The following KCNQ1 variants were observed in gnomAD, a reference collection of about 807,000 sequenced individuals.
KCNQ1 encodes the protein potassium voltage-gated channel subfamily Q member 1.
In KCNQ1, 49 loss-of-function variants were observed where a neutral mutation model predicts 72.4. That is an observed-to-expected ratio of 0.68 (90% CI 0.54 to 0.86). The LOEUF is 0.86. Among genes scored for constraint, KCNQ1 ranks in the 40% least tolerant of loss-of-function variants. The pLI is 0.00. For missense variants in KCNQ1, 790 were observed against 945.1 expected (o/e 0.84, Z 2.15); for synonymous variants, 450 against 412.6 (o/e 1.09, Z -1.10).
At position 2,690,829 on chromosome 11, in the gene KCNQ1, G is replaced by A. The variant is rs1730207291; in HGVS notation, c.1514+28748G>A. The A allele has an allele frequency of 1.0e-5, 4 of 398,506 alleles. No homozygotes were observed. Among genetic ancestry groups the A allele is most frequent in the Non-Finnish European group, 1.8e-5 (4 of 226,094 alleles). 24.7% of individuals were successfully genotyped at this position (398,506 alleles called of 1,614,324 possible). A position where few individuals can be genotyped will look rare whatever the true frequency, so the allele number is the denominator to read the frequency against. On this transcript the variant is annotated intron_variant, in intron 11 of 15. Coordinates refer to ENST00000155840, the MANE Select transcript of KCNQ1 (RefSeq NM_000218.3). This position sits in a 1 kb window ranked among gnomAD's most constrained non-coding sequence, Gnocchi z 5.1. ...CCTTGGCTTCCAGCTTCCAGGCTCT[G>A]GCACTCCCACTGTTAGGAACAGGTA...
intron 2 of KCNQ1, among the ~76,000 whole-genome samples, chr11:2,542,957 A>G (rs1300685352): frequency 6.6e-6 from 1 of 152,210 alleles, no homozygotes; most frequent in Non-Finnish European, 1.5e-5. Context: ...TTAACTATTT[A>G]AGAAACTGGC....
rs1229343239 is a variant in KCNQ1, at chr11:2,659,639, T to A, written c.1394-2322T>A. ...GGAAAGGAACCGATAGGTCATGTGG[T>A]ATGTGTATGTTTAACTTAATAAGAA... On this transcript the variant is annotated intron_variant, in intron 10 of 15. Coordinates refer to ENST00000155840, the MANE Select transcript of KCNQ1 (RefSeq NM_000218.3). This position sits in a 1 kb window ranked among gnomAD's most constrained non-coding sequence, Gnocchi z 4.3. 1.3e-5 allele frequency: 5 copies of A among 398,440 alleles called. No individual in the cohort carries two copies. Among genetic ancestry groups the A allele is most frequent in the African/African-American group, 1.0e-4 (5 of 48,650 alleles). 24.7% of individuals were successfully genotyped at this position (398,440 alleles called of 1,614,324 possible).
intron 15 of KCNQ1, among the ~76,000 whole-genome samples, chr11:2,800,765 G>A (rs1169718697): frequency 6.6e-6 from 1 of 152,180 alleles, no homozygotes; most frequent in Non-Finnish European, 1.5e-5. Flanking sequence ...GGGTTCAGGA[G>A]ATCCCCATTG....
chr11:2,618,460 A>G (rs1309548607), intron 10 of KCNQ1: 2 of 398,472 alleles, frequency 5.0e-6, no homozygotes, highest in Non-Finnish European at 8.8e-6. Context: ...GAGAGAGACT[A>G]TCTTTCTGCA....
chr11:2,588,797 G>A lies in KCNQ1; in HGVS notation c.1336G>A (p.Asp446Asn), dbSNP rs149089817. 26 of 1,613,398 alleles carry A rather than the reference G, an allele frequency of 1.6e-5. No individual in the cohort carries two copies. Among genetic ancestry groups the A allele is most frequent in the East Asian group, 2.2e-5 (1 of 44,894 alleles). ...KMLTVPHITC[D>N]PPEERRLDHF... ...GCTCACAGTCCCCCATATCACGTGCGACCCCCCAGAAGAGCGGCGGCTGGA... is the reference window on the plus strand; with the variant it reads ...GCTCACAGTCCCCCATATCACGTGCAACCCCCCAGAAGAGCGGCGGCTGGA... Residue 446 changes from aspartate to asparagine, a missense_variant, in exon 10 of 16, where the codon GAC (aspartate) becomes AAC (asparagine). Coordinates refer to ENST00000155840, the MANE Select transcript of KCNQ1 (RefSeq NM_000218.3). This position sits in a 1 kb window ranked among gnomAD's most constrained non-coding sequence, Gnocchi z 5.6.
chr11:2,519,781 C>G (rs946811792), intron 1 of KCNQ1, among the ~76,000 whole-genome samples: 6 of 138,940 alleles, frequency 4.3e-5, no homozygotes, highest in African/African-American at 8.5e-5. Flanking sequence ...TGGCCCCCCC[C>G]CACAACATTG....
chr11:2,580,206 C>G (rs1380034687), intron 6 of KCNQ1, among the ~76,000 whole-genome samples: 1 of 151,974 alleles, frequency 6.6e-6, no homozygotes. Context: ...CCCAGCCCCC[C>G]TCAGGCCAAT....
rs150388450 is a variant in KCNQ1, at chr11:2,687,264, C to T, written c.1514+25183C>T. The T allele has an allele frequency of 5.0e-6, 2 of 398,654 alleles. No homozygotes were observed. The highest frequency in any genetic ancestry group is 7.1e-5 in the East Asian group (2 of 28,068). The allele number at this position is 398,654 out of a possible 1,614,324, so 24.7% of individuals were successfully genotyped here. Reference sequence around the variant, plus strand: ...GCATCACTACCAGCTCCGGGCTTCTCTCCTCTGGCCTCCCACCTTGCAGCT... The same window carrying T: ...GCATCACTACCAGCTCCGGGCTTCTTTCCTCTGGCCTCCCACCTTGCAGCT... On this transcript the variant is annotated intron_variant, in intron 11 of 15. Transcript: ENST00000155840. The surrounding 1 kb of genome is among the most constrained non-coding windows in gnomAD (Gnocchi z 5.0).
At chr11:2,709,938 C>T (rs1380310043) in intron 11 of KCNQ1, among the ~76,000 whole-genome samples, 2 of 152,100 alleles carry the variant, frequency 1.3e-5, no homozygotes, top group African/African-American at 4.8e-5. Context: ...AATAATACTG[C>T]CAGGAACATT....
At chr11:2,490,903 T>G (rs1846826861) in intron 1 of KCNQ1, among the ~76,000 whole-genome samples, 1 of 152,124 alleles carries the variant, frequency 6.6e-6, no homozygotes, top group Admixed American at 6.5e-5. Context: ...ACAGGGTTTC[T>G]CCATGTTGGT....
At position 2,847,991 on chromosome 11, in the gene KCNQ1, TGAGGGGTCCTGAG is replaced by T; in HGVS notation, c.2026_*7del. On this transcript the variant is annotated stop_lost and 3_prime_UTR_variant, in exon 16 of 16. Transcript: ENST00000155840. ...TGACCGTGCCCAGGAGGGGCCCCGA[TGAGGGGTCCTGAG>T]GAGGGGATGGGGCTGGGGGATGGGC... The T allele has an allele frequency of 6.5e-7, 1 of 1,538,430 alleles. No homozygotes were observed. Among genetic ancestry groups the T allele is most frequent in the Non-Finnish European group, 8.8e-7 (1 of 1,139,548 alleles).
intron 11 of KCNQ1, among the ~76,000 whole-genome samples, chr11:2,741,060 G>T (rs1291047154): frequency 2.0e-5 from 3 of 152,206 alleles, no homozygotes; most frequent in African/African-American, 4.8e-5. Flanking sequence ...GGCGCCCTGG[G>T]GTGGGGGGTG....
chr11:2,555,744 T>G (rs1231701505), intron 2 of KCNQ1, among the ~76,000 whole-genome samples: 2 of 152,226 alleles, frequency 1.3e-5, no homozygotes, highest in Non-Finnish European at 2.9e-5. Flanking sequence ...CCCTGGGCCT[T>G]TTCTTCTGGT....
chr11:2,512,838 C>T (rs1488716429), intron 1 of KCNQ1, among the ~76,000 whole-genome samples: 7 of 152,188 alleles, frequency 4.6e-5, no homozygotes, highest in African/African-American at 1.2e-4. Context: ...TGGGAGTTGG[C>T]GTGTCCTGCT....
At position 2,559,585 on chromosome 11, in the gene KCNQ1, G is replaced by A. The variant is rs1235184497; in HGVS notation, c.478-11043G>A. ...GCCCGGCTGCCCGGTGGATGGGAAC[G>A]GCCATCCCCATGACGACCCAGCAAG... On this transcript the variant is annotated intron_variant, in intron 2 of 15. Coordinates refer to ENST00000155840, the MANE Select transcript of KCNQ1 (RefSeq NM_000218.3). The surrounding 1 kb of genome is among the most constrained non-coding windows in gnomAD (Gnocchi z 4.9). 6.6e-6 allele frequency among the ~76,000 whole-genome samples: 1 copy of A among 152,192 alleles called. No homozygotes were observed.
intron 11 of KCNQ1, among the ~76,000 whole-genome samples, chr11:2,708,631 G>T (rs1435094560): frequency 6.6e-6 from 1 of 152,078 alleles, no homozygotes; most frequent in Non-Finnish European, 1.5e-5. Context: ...CCTTGATCTG[G>T]GTCTAAGCAC....
chr11:2,633,742 T>C (rs989928965), intron 10 of KCNQ1: 5 of 398,466 alleles, frequency 1.3e-5, no homozygotes, highest in African/African-American at 4.1e-5. Flanking sequence ...TTTATGCCCA[T>C]TGCATGCTAA....
chr11:2,845,639 G>A (rs1296416195), intron 15 of KCNQ1, among the ~76,000 whole-genome samples: 1 of 152,186 alleles, frequency 6.6e-6, no homozygotes, highest in Non-Finnish European at 1.5e-5. Flanking sequence ...CTGCCCTTGT[G>A]TTCAGGACAG....
rs1318943269 is a variant in KCNQ1 at position 2,563,887 on chromosome 11, T to G, written c.478-6741T>G. Among the ~76,000 whole-genome samples the G allele has an allele frequency of 6.6e-6, 1 of 152,250 alleles. No individual in the cohort carries two copies. The highest frequency in any genetic ancestry group is 1.5e-5 in the Non-Finnish European group (1 of 68,036). On this transcript the variant is annotated intron_variant, in intron 2 of 15. Transcript: ENST00000155840. The surrounding 1 kb of genome is among the most constrained non-coding windows in gnomAD (Gnocchi z 7.4). ...TGTGCTTAGCTATTTCGTTGAATGC[T>G]GAACTAACAATAGTCAGTGAAGATT...
Sources: gnomAD v4.1 joint callset for allele counts (sites outside exome capture counted in the v4.1 genomes callset) on GRCh38, gnomAD v4.1.1 for gene constraint, Gnocchi (gnomAD v3.1) non-coding constraint, MANE v1.5 for transcripts, NCBI Gene and HGNC (gene_info 2026-07-23, HGNC 2026-07-21) for gene names.